Variants in CEP97 observed in about 807,000 individuals in gnomAD.
CEP97 encodes the protein centrosomal protein 97.
A neutral mutation model predicts 73.1 loss-of-function variants in CEP97; 43 were observed. That is an observed-to-expected ratio of 0.59 (90% confidence interval 0.46 to 0.76). The LOEUF (loss-of-function observed/expected upper bound fraction) is 0.76. Ranked by LOEUF, CEP97 falls within the 30% of genes least tolerant of loss-of-function variation. The probability of loss-of-function intolerance (pLI) is 0.00; values close to 1 mark genes in which losing one functional copy is unlikely to be tolerated. For missense variants in CEP97, 939 were observed against 1,014.0 expected (o/e 0.93, Z 1.00); for synonymous variants, 337 against 370.0 (o/e 0.91, Z 1.02).
At chr3:101,755,350 C>G (rs2107180297) in intron 6 of CEP97, 80 bp from the exon 7 acceptor site, 1 of 1,240,108 alleles carries the variant, frequency 8.1e-7, no homozygotes, top group Middle Eastern at 1.9e-4. Context: ...GGTAAGTTAA[C>G]AAGGAAGATC....
At position 101,762,515 on chromosome 3, in the gene CEP97, T is replaced by C. The variant is rs781298265; in HGVS notation, c.1848T>C (p.Ile616=). The change falls in exon 10 of 11, where the codon ATT becomes ATC. Residue 616 remains isoleucine (I), a synonymous_variant. Transcript: ENST00000341893. ...GAAAAGAAAGAGATGAAGAACGTAT[T>C]AAAAAATTTGTACAAGAAGAAGCTT... ...RLRKERDEER[I]KKFVQEEAFR... 5.0e-6 allele frequency: 8 copies of C among 1,610,972 alleles called. No homozygotes were observed. In the African/African-American group the frequency reaches 8.0e-5, roughly 16 times the overall value.
rs1939083969 is a variant in CEP97, at chr3:101,758,486, T to C, written c.1817+63T>C. On this transcript the variant is annotated intron_variant, in intron 9 of 10. Transcript: ENST00000341893. ...TTTGAGGGTGTTAGATTCTTATAGT[T>C]GATTCAGAACACTGTGCTTCTGTGA... is the stretch of plus-strand genomic sequence containing the variant. The C allele has an allele frequency of 5.7e-6, 9 of 1,570,706 alleles. No homozygotes were observed. In the East Asian group the frequency reaches 2.0e-4, roughly 35 times the overall value.
At chr3:101,760,862 C>G (rs1475625390) in intron 9 of CEP97, among the ~76,000 whole-genome samples, 1 of 143,862 alleles carries the variant, frequency 7.0e-6, no homozygotes, top group Non-Finnish European at 1.5e-5. Flanking sequence ...TATTTTTTAT[C>G]TAAAAAAATT....
intron 6 of CEP97, among the ~76,000 whole-genome samples, chr3:101,736,842 A>T (rs1938294327): frequency 6.6e-6 from 1 of 152,252 alleles, no homozygotes; most frequent in African/African-American, 2.4e-5. Context: ...TGGACAGAGA[A>T]TGAGTTTCAC....
In CEP97 at chr3:101,766,628, T is replaced by G. The variant is rs1196156857; in HGVS notation, c.*1077T>G. The G allele has an allele frequency of 6.7e-6, 1 of 148,862 alleles. No individual in the cohort carries two copies. The highest frequency in any genetic ancestry group is 1.5e-5 in the Non-Finnish European group (1 of 66,974). The allele number at this position is 148,862 out of a possible 1,614,324, so 9.2% of individuals were successfully genotyped here. A position where few individuals can be genotyped will look rare whatever the true frequency, so the allele number is the denominator to read the frequency against. On this transcript the variant is annotated 3_prime_UTR_variant, in exon 11 of 11. Transcript: ENST00000341893. ...AAGAAATAATAAACCTCACTTTACTTGTTAAAAGGGATATATATATATATA... is the reference window on the plus strand; with the variant it reads ...AAGAAATAATAAACCTCACTTTACTGGTTAAAAGGGATATATATATATATA...
chr3:101,734,178 C>A (rs2107139397), intron 6 of CEP97, among the ~76,000 whole-genome samples: 1 of 152,316 alleles, frequency 6.6e-6, no homozygotes, highest in South Asian at 2.1e-4. Flanking sequence ...ATTCCCCCAC[C>A]TGTAAATCAT....
At position 101,765,074 on chromosome 3, in the gene CEP97, A is replaced by T. The variant is rs1163352507; in HGVS notation, c.2121A>T (p.Leu707=). 1 of 1,614,202 alleles carries T rather than the reference A, an allele frequency of 6.2e-7. No homozygotes were observed. Residue 707 remains leucine (L), a synonymous_variant, in exon 11 of 11, where the codon CTA becomes CTT. Transcript: ENST00000341893. The stretch of plus-strand genomic sequence containing the variant: ...CAGACTCTGGTTTTCATTCCTCTCT[A>T]ACAGAACAAGTTCATTCATTGCAGC... ...EFPDSGFHSS[L]TEQVHSLQHS...
Position 101,758,195 on chromosome 3 carries a change from C to A in CEP97, c.1589C>A (p.Ser530Tyr), listed in dbSNP as rs1939071576. ...NTQPENKETI[S>Y]QATSEKLPMI... is the part of the protein sequence containing the mutation. ...CAACCAGAAAATAAAGAAACCATATCTCAAGCAACTTCAGAGAAACTTCCC... is the reference window on the plus strand; with the variant it reads ...CAACCAGAAAATAAAGAAACCATATATCAAGCAACTTCAGAGAAACTTCCC... Residue 530 changes from serine (S) to tyrosine (Y), a missense_variant, in exon 9 of 11, where the codon TCT (serine) becomes TAT (tyrosine). By Grantham distance (144) the Ser-to-Tyr change is moderately radical. Coordinates refer to ENST00000341893, the MANE Select transcript of CEP97 (RefSeq NM_024548.4). 4 of 1,613,940 alleles carry A rather than the reference C, an allele frequency of 2.5e-6. No homozygotes were observed. Among genetic ancestry groups the A allele is most frequent in the Non-Finnish European group, 3.4e-6 (4 of 1,180,030 alleles).
Position 101,751,402 on chromosome 3 carries a change from G to T in CEP97, c.729-4028G>T, listed in dbSNP as rs559667857. 3.3e-5 allele frequency among the ~76,000 whole-genome samples: 5 copies of T among 152,318 alleles called. No homozygotes were observed. The East Asian group carries it at 9.6e-4, about 29-fold the overall frequency. ...AATGTATATTCTTTTGATTTGGGGT[G>T]GAGAGTTCTGTAGATATCTATTAGG... On this transcript the variant is annotated intron_variant, in intron 6 of 10. Transcript: ENST00000341893.
rs1489101750 is a variant in CEP97, at chr3:101,766,891, C to G, written c.*1340C>G. 1 of 152,160 alleles carries G rather than the reference C, an allele frequency of 6.6e-6. No homozygotes were observed. The highest frequency in any genetic ancestry group is 1.5e-5 in the Non-Finnish European group (1 of 68,028). The allele number at this position is 152,160 out of a possible 1,614,324, so 9.4% of individuals were successfully genotyped here. Reference sequence around the variant, plus strand: ...CTGAAGTTATGTAAAATAAAAGCATCTGATCCTTCAAGGATAAAGTTGAGG... The same window carrying G: ...CTGAAGTTATGTAAAATAAAAGCATGTGATCCTTCAAGGATAAAGTTGAGG... On this transcript the variant is annotated 3_prime_UTR_variant, in exon 11 of 11. Transcript: ENST00000341893.
At chr3:101,757,448 C>T (rs1939041597) in intron 8 of CEP97, among the ~76,000 whole-genome samples, 186 bp from the exon 9 acceptor site, 1 of 152,074 alleles carries the variant, frequency 6.6e-6, no homozygotes, top group Non-Finnish European at 1.5e-5. Flanking sequence ...TTTGATTATT[C>T]TTATGATTAT....
In CEP97 at chr3:101,765,529, T is replaced by C. The variant is rs749566374; in HGVS notation, c.2576T>C (p.Leu859Ser). ...GAATGTGATTCTACATTTCAGCTAT[T>C]GCATGTTGGTGTTACTGTGTAGCAT... ...QPECDSTFQLLHVGVTV is the reference protein window; with the variant it reads ...QPECDSTFQLSHVGVTV Residue 859 changes from leucine to serine, a missense_variant, in exon 11 of 11, where the codon TTG becomes TCG. Leu to Ser is a moderately radical substitution (Grantham distance 145, BLOSUM62 -2). Coordinates refer to ENST00000341893, the MANE Select transcript of CEP97 (RefSeq NM_024548.4). 6.2e-7 allele frequency: 1 copy of C among 1,611,836 alleles called. No homozygotes were observed. The highest frequency in any genetic ancestry group is 8.5e-7 in the Non-Finnish European group (1 of 1,178,338).
intron 10 of CEP97, 135 bp downstream of exon 10, chr3:101,762,695 C>G (rs1018615063): frequency 1.8e-6 from 1 of 568,478 alleles, no homozygotes; most frequent in African/African-American, 2.0e-5. Flanking sequence ...TTCTTCGCCA[C>G]TAACTGTGAA....
chr3:101,728,853 T>C lies in CEP97; in HGVS notation c.363T>C (p.Asn121=), dbSNP rs769816282. 6 of 1,605,598 alleles carry C rather than the reference T, an allele frequency of 3.7e-6. No homozygotes were observed. In the South Asian group the frequency reaches 4.4e-5, roughly 12 times the overall value. The change falls in exon 4 of 11, where the codon AAT becomes AAC. Residue 121 remains asparagine (N), a synonymous_variant. Coordinates refer to ENST00000341893, the MANE Select transcript of CEP97 (RefSeq NM_024548.4). ...TGTGATAGGCCATGGAACAGATCAATAGCTGCACAGCTCTACAGCATCTCG... is the reference window on the plus strand; with the variant it reads ...TGTGATAGGCCATGGAACAGATCAACAGCTGCACAGCTCTACAGCATCTCG... ...GNNLKAMEQI[N]SCTALQHLDL...
Position 101,765,837 on chromosome 3 carries a change from T to A in CEP97, c.*286T>A. 4.2e-6 allele frequency: 1 copy of A among 240,470 alleles called. No individual in the cohort carries two copies. 14.9% of individuals were successfully genotyped at this position (240,470 alleles called of 1,614,324 possible). ...ATCAACAATGTTCCTGTTTCTTTCATGTACTCATTTACTTTCAAAAATAAG... is the reference window on the plus strand; with the variant it reads ...ATCAACAATGTTCCTGTTTCTTTCAAGTACTCATTTACTTTCAAAAATAAG... On this transcript the variant is annotated 3_prime_UTR_variant, in exon 11 of 11. Transcript: ENST00000341893.
chr3:101,734,057 C>T (rs936995404), intron 6 of CEP97, among the ~76,000 whole-genome samples: 109 of 151,970 alleles, frequency 7.2e-4, no homozygotes, highest in African/African-American at 2.5e-3. Flanking sequence ...AACTCCTGAC[C>T]TCAGGTGATG....
At chr3:101,753,073 G>A (rs142873116) in intron 6 of CEP97, among the ~76,000 whole-genome samples, 7,454 of 152,056 alleles carry the variant, frequency 0.049, 651 homozygotes, top group African/African-American at 0.17. Context: ...TGGGTTTTTG[G>A]TGTGGATGTC....
Position 101,732,567 on chromosome 3 carries a change from TC to T in CEP97, c.644del (p.Pro215GlnfsTer14). ...NNPCVMATPS[I>X]PGFDYRPYIV... ...CCTTGTGTGATGGCAACACCATCCA[TC>T]CCAGGATTTGACTATCGGCCGTACA... is the stretch of plus-strand genomic sequence containing the variant. On this transcript the variant is annotated frameshift_variant, in exon 6 of 11. Transcript: ENST00000341893. LOFTEE classifies it high-confidence loss of function. 6.2e-7 allele frequency: 1 copy of T among 1,613,900 alleles called. No homozygotes were observed. Among genetic ancestry groups the T allele is most frequent in the Non-Finnish European group, 8.5e-7 (1 of 1,179,768 alleles).
At chr3:101,730,332 C>T (rs937738880) in intron 4 of CEP97, among the ~76,000 whole-genome samples, 1 of 152,066 alleles carries the variant, frequency 6.6e-6, no homozygotes, top group African/African-American at 2.4e-5. Flanking sequence ...GTGGCGCAAT[C>T]TCGGCTCACT....
Sources: allele counts gnomAD v4.1 joint callset (sites outside exome capture counted in the v4.1 genomes callset), GRCh38; gene constraint gnomAD v4.1.1; transcripts MANE v1.5; gene names NCBI Gene and HGNC (gene_info 2026-07-23, HGNC 2026-07-21).